The following ZBTB48 variants were observed in gnomAD, a reference collection of about 807,000 sequenced individuals.
ZBTB48 encodes zinc finger and BTB domain-containing protein 48.
In ZBTB48, 35 loss-of-function variants were observed where a neutral mutation model predicts 64.5. The observed-to-expected ratio is 0.54, with a 90% CI of 0.41 to 0.72. ZBTB48 has a LOEUF of 0.72. Among genes scored for constraint, ZBTB48 ranks in the 30% least tolerant of loss-of-function variants. The probability of loss-of-function intolerance (pLI) is 0.00; values close to 1 mark genes in which losing one functional copy is unlikely to be tolerated. For missense variants in ZBTB48, 828 were observed against 895.3 expected, an observed-to-expected ratio of 0.92 and a Z score of 0.96; for synonymous variants, 442 against 356.7, an observed-to-expected ratio of 1.24 and a Z score of -2.70.
In ZBTB48 at chr1:6,582,300, G is replaced by A. The variant is rs1215957486; in HGVS notation, c.932+1G>A. 1 of 1,604,090 alleles carries A rather than the reference G, an allele frequency of 6.2e-7. No homozygotes were observed. Among genetic ancestry groups the A allele is most frequent in the Non-Finnish European group, 8.5e-7 (1 of 1,171,958 alleles). On this transcript the variant is annotated splice_donor_variant, in intron 3 of 10. Transcript: ENST00000377674. LOFTEE classifies it high-confidence loss of function. ...AATATTATCTAAAAGTCCACAACAG[G>A]TAAACGTTCTGTTTTTCTATTTTCT...
rs759283651 is a variant in ZBTB48 at position 6,589,120 on chromosome 1, A to G, written c.1975A>G (p.Arg659Gly). ...CCTGGCCTCCCAGCTCCCCGGCCAG[A>G]GACTGTGTGCAGAGGAGAGCTTCAC... ...GGLASQLPGQ[R>G]LCAEESFTGP... Residue 659 changes from arginine to glycine, a missense_variant, in exon 11 of 11, where the codon AGA becomes GGA. By Grantham distance (125) the Arg-to-Gly change is moderately radical. Coordinates refer to ENST00000377674, the MANE Select transcript of ZBTB48 (RefSeq NM_005341.4). 1.0e-5 allele frequency: 16 copies of G among 1,607,260 alleles called. No homozygotes were observed. The highest frequency in any genetic ancestry group is 1.3e-5 in the Non-Finnish European group (15 of 1,177,546).
chr1:6,588,819 AGT>A lies in ZBTB48; in HGVS notation c.1749_1750del (p.Cys583TrpfsTer104). 1 of 1,614,110 alleles carries A rather than the reference AGT, an allele frequency of 6.2e-7. No individual in the cohort carries two copies. ...GGGGTGAGGAAGTTTGAGTGCACCGAGTGTGGCTACAAGTTTACCCGACAGGT... is the reference window on the plus strand; with the variant it reads ...GGGGTGAGGAAGTTTGAGTGCACCGAGTGGCTACAAGTTTACCCGACAGGT... On this transcript the variant is annotated frameshift_variant, in exon 10 of 11. Transcript: ENST00000377674. LOFTEE classifies it high-confidence loss of function.
intron 9 of ZBTB48, 110 bp from the exon 10 acceptor site, chr1:6,588,646 C>G: frequency 1.3e-6 from 2 of 1,515,652 alleles, no homozygotes; most frequent in Non-Finnish European, 1.8e-6. Context: ...CTGTGCAGCA[C>G]TTGTAAACCA....
rs373987752 is a variant in ZBTB48, at chr1:6,588,859, G to A, written c.1770+15G>A. 15 of 1,613,922 alleles carry A rather than the reference G, an allele frequency of 9.3e-6. No homozygotes were observed. Among genetic ancestry groups the A allele is most frequent in the Non-Finnish European group, 1.2e-5 (14 of 1,180,030 alleles). The stretch of plus-strand genomic sequence containing the variant: ...TTACCCGACAGGTAGGCCAGGGCCT[G>A]GGCCCCTTCCCCTACCCTAGGATCC... On this transcript the variant is annotated intron_variant, in intron 10 of 10. Coordinates refer to ENST00000377674, the MANE Select transcript of ZBTB48 (RefSeq NM_005341.4).
chr1:6,586,274 C>T (rs1640663291), intron 4 of ZBTB48: 1 of 546,430 alleles, frequency 1.8e-6, no homozygotes, highest in East Asian at 3.0e-5. Flanking sequence ...TTCCTAGGCC[C>T]CTGGCCCACC....
At chr1:6,586,328 A>G (rs1372549468) in intron 4 of ZBTB48, 11 of 500,964 alleles carry the variant, frequency 2.2e-5, no homozygotes, top group Non-Finnish European at 3.9e-5. Flanking sequence ...AGGGGATGGC[A>G]GCTGGGAAAG....
chr1:6,580,558 C>A lies in ZBTB48; in HGVS notation c.-52C>A. 1.3e-6 allele frequency: 2 copies of A among 1,559,424 alleles called. No individual in the cohort carries two copies. Among genetic ancestry groups the A allele is most frequent in the Admixed American group, 1.8e-5 (1 of 54,250 alleles). On this transcript the variant is annotated 5_prime_UTR_variant, in exon 2 of 11. Transcript: ENST00000377674. This position sits in a 1 kb window ranked among gnomAD's most constrained non-coding sequence, Gnocchi z 5.2. The stretch of plus-strand genomic sequence containing the variant: ...GACTCCAGGAGCTTTCTCTTGCATA[C>A]CCTCGCTTAGGCTGGCCGGGGTGTC...
chr1:6,585,437 G>T, intron 3 of ZBTB48: 1 of 176,390 alleles, frequency 5.7e-6, no homozygotes, highest in Non-Finnish European at 1.2e-5. Flanking sequence ...TGACTTAAAG[G>T]TCCTTCTGGC....
In ZBTB48 at chr1:6,589,175, T is replaced by C; in HGVS notation, c.2030T>C (p.Ile677Thr). Reference sequence around the variant, plus strand: ...CCAGGTGTCCTGGAGCCCTCCCTCATCATCACAGCTGCTGTCCCCGAGGAC... The same window carrying C: ...CCAGGTGTCCTGGAGCCCTCCCTCACCATCACAGCTGCTGTCCCCGAGGAC... ...TGPGVLEPSL[I>T]ITAAVPEDCD... The change falls in exon 11 of 11, where the codon ATC (isoleucine) becomes ACC (threonine). Residue 677 changes from isoleucine (I) to threonine (T), a missense_variant. Ile to Thr is a moderately conservative substitution (Grantham distance 89). Transcript: ENST00000377674. The C allele has an allele frequency of 1.3e-6, 2 of 1,541,796 alleles. No homozygotes were observed. Among genetic ancestry groups the C allele is most frequent in the South Asian group, 1.3e-5 (1 of 79,862 alleles).
Position 6,584,158 on chromosome 1 carries a change from C to G in ZBTB48, c.933-1761C>G, listed in dbSNP as rs1360806187. ...CTCAAACTCCTGACCTTGCGATCCA[C>G]CTGCCTTAGCTTCCCAAAGTGCTGG... is the stretch of plus-strand genomic sequence containing the variant. On this transcript the variant is annotated intron_variant, in intron 3 of 10. Transcript: ENST00000377674. The surrounding 1 kb of genome is among the most constrained non-coding windows in gnomAD (Gnocchi z 4.5). Among the ~76,000 whole-genome samples the G allele has an allele frequency of 1.3e-5, 2 of 152,188 alleles. No individual in the cohort carries two copies. Among genetic ancestry groups the G allele is most frequent in the African/African-American group, 4.8e-5 (2 of 41,442 alleles).
chr1:6,582,256 CATAAAAA>C lies in ZBTB48; in HGVS notation c.890_896del (p.His297ArgfsTer8). ...GGTGCCGGTCGAATGCCCCACATGT[CATAAAAA>C]GTTCCTCAGCAAATATTATCTAAAA... On this transcript the variant is annotated frameshift_variant, in exon 3 of 11. Transcript: ENST00000377674. LOFTEE classifies it high-confidence loss of function. 6.2e-7 allele frequency: 1 copy of C among 1,613,146 alleles called. No individual in the cohort carries two copies. Among genetic ancestry groups the C allele is most frequent in the Non-Finnish European group, 8.5e-7 (1 of 1,179,226 alleles).
rs1640400252 is a variant in ZBTB48 at position 6,580,464 on chromosome 1, C to T, written c.-69-77C>T. On this transcript the variant is annotated intron_variant, in intron 1 of 10. Coordinates refer to ENST00000377674, the MANE Select transcript of ZBTB48 (RefSeq NM_005341.4). This position sits in a 1 kb window ranked among gnomAD's most constrained non-coding sequence, Gnocchi z 5.2. ...CAGCCCTCCGCGTGCACCCCTCACC[C>T]TGACCCAAGCCCTCGTGCTGATAAA... The T allele has an allele frequency of 3.5e-6, 3 of 863,210 alleles. No individual in the cohort carries two copies. In the East Asian group the frequency reaches 8.0e-5, roughly 23 times the overall value. The allele number at this position is 863,210 out of a possible 1,614,324, so 53.5% of individuals were successfully genotyped here.
chr1:6,588,330 C>G lies in ZBTB48; in HGVS notation c.1569C>G (p.Cys523Trp). ...ACACCGGGGAAAGGCCCTTCAGTTGCGAGTTCTGTGAACAGCGCTTCACTG... is the reference window on the plus strand; with the variant it reads ...ACACCGGGGAAAGGCCCTTCAGTTGGGAGTTCTGTGAACAGCGCTTCACTG... Reference protein sequence around the residue: ...RTHTGERPFSCEFCEQRFTEK... With the variant: ...RTHTGERPFSWEFCEQRFTEK... Residue 523 changes from cysteine (C) to tryptophan (W), a missense_variant, in exon 9 of 11, where the codon TGC (cysteine) becomes TGG (tryptophan). Transcript: ENST00000377674. 1 of 1,608,182 alleles carries G rather than the reference C, an allele frequency of 6.2e-7. No individual in the cohort carries two copies. Among genetic ancestry groups the G allele is most frequent in the South Asian group, 1.1e-5 (1 of 90,950 alleles).
Position 6,589,169 on chromosome 1 carries a change from C to A in ZBTB48, c.2024C>A (p.Ser675Tyr). The change falls in exon 11 of 11, where the codon TCC becomes TAC. Residue 675 changes from serine (S) to tyrosine (Y), a missense_variant. Physicochemically the swap from Ser to Tyr is moderately radical, Grantham distance 144. Coordinates refer to ENST00000377674, the MANE Select transcript of ZBTB48 (RefSeq NM_005341.4). ...SFTGPGVLEP[S>Y]LIITAAVPED... is the part of the protein sequence containing the mutation. Reference sequence around the variant, plus strand: ...ACCGGCCCAGGTGTCCTGGAGCCCTCCCTCATCATCACAGCTGCTGTCCCC... The same window carrying A: ...ACCGGCCCAGGTGTCCTGGAGCCCTACCTCATCATCACAGCTGCTGTCCCC... The A allele has an allele frequency of 6.5e-7, 1 of 1,546,982 alleles. No individual in the cohort carries two copies.
Position 6,587,487 on chromosome 1 carries a change from T to G in ZBTB48, c.1234T>G (p.Cys412Gly). Residue 412 changes from cysteine to glycine, a missense_variant, in exon 7 of 11, where the codon TGT becomes GGT. Cys to Gly is a radical substitution (Grantham distance 159). Coordinates refer to ENST00000377674, the MANE Select transcript of ZBTB48 (RefSeq NM_005341.4). Reference protein sequence around the residue: ...GAPKPHACPTCAKCFLSRTEL... With the variant: ...GAPKPHACPTGAKCFLSRTEL... ...CCTGGTCTGCCTGCAGTGCCCCACC[T>G]GTGCCAAGTGCTTCCTGTCTCGGAC... 1 of 1,613,924 alleles carries G rather than the reference T, an allele frequency of 6.2e-7. No homozygotes were observed.
chr1:6,587,487 T>C lies in ZBTB48; in HGVS notation c.1234T>C (p.Cys412Arg). The C allele has an allele frequency of 6.2e-7, 1 of 1,613,924 alleles. No individual in the cohort carries two copies. Among genetic ancestry groups the C allele is most frequent in the Non-Finnish European group, 8.5e-7 (1 of 1,179,996 alleles). ...CCTGGTCTGCCTGCAGTGCCCCACC[T>C]GTGCCAAGTGCTTCCTGTCTCGGAC... ...GAPKPHACPTCAKCFLSRTEL... is the reference protein window; with the variant it reads ...GAPKPHACPTRAKCFLSRTEL... The change falls in exon 7 of 11, where the codon TGT becomes CGT. Residue 412 changes from cysteine (C) to arginine (R), a missense_variant. By Grantham distance (180) the Cys-to-Arg change is radical (BLOSUM62 -3). Coordinates refer to ENST00000377674, the MANE Select transcript of ZBTB48 (RefSeq NM_005341.4).
In ZBTB48 at chr1:6,580,280, C is replaced by G; in HGVS notation, c.-70+144C>G. ...CCCTCCGCCGTCCGGGATCCTCTCACTGTGCCGGGCCAGTCCGTTCGCTCT... is the reference window on the plus strand; with the variant it reads ...CCCTCCGCCGTCCGGGATCCTCTCAGTGTGCCGGGCCAGTCCGTTCGCTCT... On this transcript the variant is annotated intron_variant, in intron 1 of 10. Coordinates refer to ENST00000377674, the MANE Select transcript of ZBTB48 (RefSeq NM_005341.4). The surrounding 1 kb of genome is among the most constrained non-coding windows in gnomAD (Gnocchi z 5.2). The G allele has an allele frequency of 3.8e-6, 1 of 264,890 alleles. No homozygotes were observed. 16.4% of individuals were successfully genotyped at this position (264,890 alleles called of 1,614,324 possible).
chr1:6,585,970 C>T lies in ZBTB48; in HGVS notation c.984C>T (p.Tyr328=). Residue 328 remains tyrosine, a synonymous_variant, in exon 4 of 11, where the codon TAC becomes TAT. Coordinates refer to ENST00000377674, the MANE Select transcript of ZBTB48 (RefSeq NM_005341.4). ...PFECPKCGKC[Y]FRKENLLEHE... Reference sequence around the variant, plus strand: ...AGTGTCCCAAATGTGGGAAGTGTTACTTTCGGAAGGAGAACCTCCTGGAGC... The same window carrying T: ...AGTGTCCCAAATGTGGGAAGTGTTATTTTCGGAAGGAGAACCTCCTGGAGC... 6.2e-7 allele frequency: 1 copy of T among 1,614,138 alleles called. No homozygotes were observed.
At position 6,582,226 on chromosome 1, in the gene ZBTB48, A is replaced by G. The variant is rs2148685447; in HGVS notation, c.859A>G (p.Thr287Ala). The change falls in exon 3 of 11, where the codon ACA becomes GCA. Residue 287 changes from threonine (T) to alanine (A), a missense_variant. Physicochemically the swap from Thr to Ala is moderately conservative, Grantham distance 58. Coordinates refer to ENST00000377674, the MANE Select transcript of ZBTB48 (RefSeq NM_005341.4). ...TGAGCCTGCTGAGAACAGAAAAGGT[A>G]CAGCGGTGCCGGTCGAATGCCCCAC... is the stretch of plus-strand genomic sequence containing the variant. ...AAEPAENRKG[T>A]AVPVECPTCH... 2 of 1,614,192 alleles carry G rather than the reference A, an allele frequency of 1.2e-6. No homozygotes were observed. The highest frequency in any genetic ancestry group is 4.5e-5 in the East Asian group (2 of 44,892).
Sources: allele counts gnomAD v4.1 joint callset (sites outside exome capture counted in the v4.1 genomes callset), GRCh38; gene constraint gnomAD v4.1.1; non-coding constraint Gnocchi (gnomAD v3.1); transcripts MANE v1.5; gene names NCBI Gene and HGNC (gene_info 2026-07-23, HGNC 2026-07-21).